CGNL1: variants seen among roughly 807,000 people sequenced by gnomAD.
The protein encoded by CGNL1 is cingulin-like protein 1.
CGNL1 carries 132 observed loss-of-function variants against 141.2 expected under a neutral mutation model. The ratio of observed to expected loss-of-function variants is 0.93; its 90% CI spans 0.81 to 1.08. The LOEUF is 1.08. Ranked by LOEUF, CGNL1 falls within the 50% of genes least tolerant of loss-of-function variation. The pLI is 0.00. For missense variants in CGNL1, 1,870 were observed against 1,588.6 expected (o/e 1.18, Z -3.01); for synonymous variants, 690 against 622.1 (o/e 1.11, Z -1.63).
intron 8 of CGNL1, among the ~76,000 whole-genome samples, chr15:57,513,263 T>G (rs963088875): frequency 5.8e-5 from 8 of 136,796 alleles, no homozygotes; most frequent in Non-Finnish European, 1.1e-4. Flanking sequence ...GGTGTGTGTG[T>G]GTGTGTGTGT....
At chr15:57,425,225 G>A (rs145535691) in intron 1 of CGNL1, among the ~76,000 whole-genome samples, 2 of 152,244 alleles carry the variant, frequency 1.3e-5, no homozygotes, top group African/African-American at 4.8e-5. Flanking sequence ...TAGGCTGGGC[G>A]TGGTGGCTCG....
At chr15:57,521,583 A>G (rs1306894974) in intron 10 of CGNL1, among the ~76,000 whole-genome samples, 3 of 152,232 alleles carry the variant, frequency 2.0e-5, no homozygotes, top group Non-Finnish European at 4.4e-5. Context: ...CATATAAGAA[A>G]TAATTTAAAA....
chr15:57,440,937 C>G (rs1232074157), intron 3 of CGNL1, among the ~76,000 whole-genome samples: 1 of 152,054 alleles, frequency 6.6e-6, no homozygotes, highest in Non-Finnish European at 1.5e-5. Context: ...GCAGTGCTTT[C>G]CATGCTTATC....
At chr15:57,385,808 G>C (rs1164157529) in intron 1 of CGNL1, among the ~76,000 whole-genome samples, 1 of 152,202 alleles carries the variant, frequency 6.6e-6, no homozygotes, top group East Asian at 1.9e-4. Flanking sequence ...GGTGGTGATG[G>C]CTCCTGGCAT....
At chr15:57,498,509 T>C (rs1448960008) in intron 8 of CGNL1, among the ~76,000 whole-genome samples, 1 of 152,148 alleles carries the variant, frequency 6.6e-6, no homozygotes, top group Non-Finnish European at 1.5e-5. Context: ...CCAACCTGTT[T>C]TTGTTTGTTT....
chr15:57,499,238 C>CTTTTTT (rs201081475), intron 8 of CGNL1, among the ~76,000 whole-genome samples: 7 of 91,842 alleles, frequency 7.6e-5, no homozygotes, highest in African/African-American at 1.5e-4. Context: ...AAGTTAATGG[C>CTTTTTT]TTTTTTTTTT....
chr15:57,524,128 GA>G (rs1380554624), intron 11 of CGNL1, among the ~76,000 whole-genome samples: 15 of 152,172 alleles, frequency 9.9e-5, no homozygotes, highest in African/African-American at 3.4e-4. Flanking sequence ...GCTGTTTTCT[GA>G]CATGTATTAT....
At chr15:57,471,636 G>A (rs1163112296) in intron 8 of CGNL1, among the ~76,000 whole-genome samples, 1 of 152,182 alleles carries the variant, frequency 6.6e-6, no homozygotes, top group African/African-American at 2.4e-5. Flanking sequence ...AGCCTTCTGG[G>A]GGGGCCTCCT....
intron 1 of CGNL1, among the ~76,000 whole-genome samples, chr15:57,435,999 C>T (rs1300669105): frequency 6.6e-6 from 1 of 152,100 alleles, no homozygotes; most frequent in East Asian, 1.9e-4. Flanking sequence ...CAAATAAAGA[C>T]CCTCCAAACA....
At chr15:57,429,536 G>A (rs11071317) in intron 1 of CGNL1, among the ~76,000 whole-genome samples, 98,836 of 151,816 alleles carry the variant, frequency 0.65, 33,174 homozygotes, top group South Asian at 0.77. Flanking sequence ...TCTCTGGTTG[G>A]GAGGTTTTCT....
rs578016286 is a variant in CGNL1, at chr15:57,487,146, GT to G, written c.2403+25257del. On this transcript the variant is annotated intron_variant, in intron 8 of 18. Coordinates refer to ENST00000281282, the MANE Select transcript of CGNL1 (RefSeq NM_032866.5). The stretch of plus-strand genomic sequence containing the variant: ...CAACTAGAAAGACTAGGAGTAGACA[GT>G]TTATTGTATGTGTGCATTTTGATGG... Among the ~76,000 whole-genome samples, 1,340 of 152,274 alleles carry G rather than the reference GT, an allele frequency of 8.8e-3. 11 individuals carry two copies. The highest frequency in any genetic ancestry group is 0.014 in the Non-Finnish European group (953 of 68,024).
At chr15:57,389,458 T>G (rs578232274) in intron 1 of CGNL1, among the ~76,000 whole-genome samples, 2 of 152,302 alleles carry the variant, frequency 1.3e-5, no homozygotes, top group Admixed American at 1.3e-4. Context: ...GGATAGTAAA[T>G]GAATGAATGA....
chr15:57,504,948 C>T (rs1338329545), intron 8 of CGNL1, among the ~76,000 whole-genome samples: 1 of 152,184 alleles, frequency 6.6e-6, no homozygotes. Flanking sequence ...GAGGGCTGGC[C>T]CTAGAGCAGT....
intron 8 of CGNL1, among the ~76,000 whole-genome samples, chr15:57,516,161 A>C (rs76338255): frequency 9.6e-6 from 1 of 103,836 alleles, no homozygotes. Context: ...TCTGTCTCAA[A>C]AAAAAAAAAA....
At chr15:57,410,865 G>A (rs957184405) in intron 1 of CGNL1, among the ~76,000 whole-genome samples, 3 of 152,200 alleles carry the variant, frequency 2.0e-5, no homozygotes, top group South Asian at 2.1e-4. Context: ...ACTGAAGTTC[G>A]TAACGTTTGT....
chr15:57,396,277 G>GTTTTTTTTTTTTTTTTTTTT (rs57154500), intron 1 of CGNL1, among the ~76,000 whole-genome samples: 1 of 129,218 alleles, frequency 7.7e-6, no homozygotes, highest in African/African-American at 2.9e-5. Flanking sequence ...TTCTTTCTTT[G>GTTTTTTTTTTTTTTTTTTTT]TTTTTTTTTT....
At chr15:57,391,594 C>G (rs561078501) in intron 1 of CGNL1, among the ~76,000 whole-genome samples, 1 of 152,276 alleles carries the variant, frequency 6.6e-6, no homozygotes, top group African/African-American at 2.4e-5. Flanking sequence ...AAACAAAACT[C>G]AGTTGAAGGT....
chr15:57,537,621 G>GT (rs2032332913), intron 14 of CGNL1, among the ~76,000 whole-genome samples: 1 of 152,154 alleles, frequency 6.6e-6, no homozygotes, highest in African/African-American at 2.4e-5. Context: ...ATAAACACAG[G>GT]TGATGGGGTT....
In CGNL1 at chr15:57,438,828, C is replaced by G. The variant is rs781183314; in HGVS notation, c.829C>G (p.Pro277Ala). ...ETKKTRPDVL[P>A]FRRQDSAGPV... ...CAAGAAAACCAGGCCAGATGTTCTTCCCTTCCGGCGACAGGATTCAGCGGG... is the reference window on the plus strand; with the variant it reads ...CAAGAAAACCAGGCCAGATGTTCTTGCCTTCCGGCGACAGGATTCAGCGGG... Residue 277 changes from proline to alanine, a missense_variant, in exon 2 of 19, where the codon CCC becomes GCC. By Grantham distance (27) the Pro-to-Ala change is conservative. Coordinates refer to ENST00000281282, the MANE Select transcript of CGNL1 (RefSeq NM_032866.5). 1.2e-6 allele frequency: 2 copies of G among 1,614,186 alleles called. No homozygotes were observed. Among genetic ancestry groups the G allele is most frequent in the Admixed American group, 3.3e-5 (2 of 60,034 alleles).
Sources: gnomAD v4.1 joint callset for allele counts (sites outside exome capture counted in the v4.1 genomes callset) on GRCh38, gnomAD v4.1.1 for gene constraint, MANE v1.5 for transcripts, NCBI Gene and HGNC (gene_info 2026-07-23, HGNC 2026-07-21) for gene names.